Variants in ROBO2 observed in about 807,000 individuals in gnomAD.
The protein encoded by ROBO2 is roundabout guidance receptor 2.
A neutral mutation model predicts 160.8 loss-of-function variants in ROBO2; 53 were observed. That is an observed-to-expected ratio of 0.33 (90% CI 0.26 to 0.41). The LOEUF (loss-of-function observed/expected upper bound fraction) is 0.41. Ranked by LOEUF, ROBO2 falls within the 10% of genes least tolerant of loss-of-function variation. ROBO2 has a pLI of 1.00. For synonymous variants in ROBO2, 664 were observed against 611.7 expected (o/e 1.09, Z -1.26); for missense variants, 1,577 against 1,722.4 (o/e 0.92, Z 1.49).
At chr3:77,255,413 T>G (rs890364832) in intron 2 of ROBO2, among the ~76,000 whole-genome samples, 1 of 152,228 alleles carries the variant, frequency 6.6e-6, no homozygotes, top group Non-Finnish European at 1.5e-5. Context: ...GCTAACCATG[T>G]GACCACAAAT....
At chr3:76,412,022 T>C (rs577141185) in intron 2 of ROBO2, among the ~76,000 whole-genome samples, 1 of 152,286 alleles carries the variant, frequency 6.6e-6, no homozygotes, top group South Asian at 2.1e-4. Context: ...AAAAATGGTT[T>C]AATTGGACTT....
At chr3:76,104,161 ACAC>A (rs2069822059) in intron 2 of ROBO2, among the ~76,000 whole-genome samples, 1 of 152,196 alleles carries the variant, frequency 6.6e-6, no homozygotes, top group Non-Finnish European at 1.5e-5. Flanking sequence ...ACTTCTAGAG[ACAC>A]CACATTTTAA....
intron 2 of ROBO2, among the ~76,000 whole-genome samples, chr3:76,275,209 G>A (rs1467681309): frequency 6.6e-6 from 1 of 152,106 alleles, no homozygotes; most frequent in Non-Finnish European, 1.5e-5. Flanking sequence ...TCACCTTAAG[G>A]ATGAGTAGTT....
At chr3:77,149,175 C>G (rs921506604) in intron 2 of ROBO2, among the ~76,000 whole-genome samples, 2 of 151,544 alleles carry the variant, frequency 1.3e-5, no homozygotes, top group Admixed American at 1.3e-4. Context: ...GCTGGGACAA[C>G]AGGTGCACGC....
At chr3:76,207,771 T>A (rs1340257982) in intron 2 of ROBO2, among the ~76,000 whole-genome samples, 1 of 152,194 alleles carries the variant, frequency 6.6e-6, no homozygotes, top group African/African-American at 2.4e-5. Context: ...GATGTTTCTC[T>A]TATATGTAAA....
intron 2 of ROBO2, among the ~76,000 whole-genome samples, chr3:76,526,852 T>G (rs1043477534): frequency 6.6e-6 from 1 of 152,108 alleles, no homozygotes; most frequent in African/African-American, 2.4e-5. Context: ...TAACAGAATA[T>G]GTCACCTTTT....
chr3:76,238,418 G>C lies in ROBO2; in HGVS notation c.109+300816G>C, dbSNP rs561563737. Among the ~76,000 whole-genome samples the C allele has an allele frequency of 9.2e-5, 14 of 152,264 alleles. No individual in the cohort carries two copies. The East Asian group carries it at 2.5e-3, about 27-fold the overall frequency. On this transcript the variant is annotated intron_variant, in intron 2 of 26. Coordinates refer to the ROBO2 transcript ENST00000487694. ...CATCAGACACCTTACTAACTCTCCT[G>C]AGAAGAGCATGCGGAAAACCACCTC...
intron 2 of ROBO2, among the ~76,000 whole-genome samples, chr3:77,303,814 T>C (rs2062863442): frequency 6.6e-6 from 1 of 152,202 alleles, no homozygotes; most frequent in Non-Finnish European, 1.5e-5. Flanking sequence ...TATACATATA[T>C]ATATGCAAGT....
rs181966357 is a variant in ROBO2, at chr3:76,488,308, G to A, written c.109+550706G>A. 2.2e-4 allele frequency among the ~76,000 whole-genome samples: 33 copies of A among 152,176 alleles called. No individual in the cohort carries two copies. In the South Asian group the frequency reaches 2.7e-3, roughly 12 times the overall value. ...TTATGACCTCATGGCTTTCTTCCAC[G>A]CCCATTAAGAACATTGACAGAATTT... On this transcript the variant is annotated intron_variant, in intron 2 of 26. Coordinates refer to the ROBO2 transcript ENST00000487694.
chr3:76,164,363 A>T (rs932316327), intron 2 of ROBO2, among the ~76,000 whole-genome samples: 1 of 152,218 alleles, frequency 6.6e-6, no homozygotes, highest in Non-Finnish European at 1.5e-5. Context: ...CCTTAATGAC[A>T]TCTAGAAAGG....
intron 2 of ROBO2, among the ~76,000 whole-genome samples, chr3:76,257,054 C>T (rs148573389): frequency 4.0e-3 from 602 of 152,116 alleles, no homozygotes; most frequent in East Asian, 0.016. Flanking sequence ...GCCCAGCCCC[C>T]ACCTCTAACA....
chr3:75,924,681 CTTTTTTTTTT>C (rs60599175), intron 1 of ROBO2, among the ~76,000 whole-genome samples: 4 of 66,014 alleles, frequency 6.1e-5, no homozygotes, highest in East Asian at 5.4e-4. Flanking sequence ...ATTTTCTTTT[CTTTTTTTTTT>C]TTTTTTTTTT....
intron 1 of ROBO2, among the ~76,000 whole-genome samples, chr3:77,081,092 A>G (rs972565844): frequency 6.6e-6 from 1 of 152,150 alleles, no homozygotes; most frequent in African/African-American, 2.4e-5. Context: ...TCTATGGGCT[A>G]GTTTATTAGA....
chr3:76,660,744 C>A (rs1425597456), intron 2 of ROBO2, among the ~76,000 whole-genome samples: 1 of 152,046 alleles, frequency 6.6e-6, no homozygotes, highest in Non-Finnish European at 1.5e-5. Flanking sequence ...ATACCAAGAG[C>A]CAATATTTTA....
At position 77,620,762 on chromosome 3, in the gene ROBO2, C is replaced by T. The variant is rs576190152; in HGVS notation, c.3555-1465C>T. ...TTGGGAGAGGAATATTAAACAAATT[C>T]GGGAAGATTAAAATATTTTCCCCAA... is the stretch of plus-strand genomic sequence containing the variant. On this transcript the variant is annotated intron_variant, in intron 22 of 25. Coordinates refer to ENST00000461745, the Ensembl canonical transcript of ROBO2. 2.3e-4 allele frequency among the ~76,000 whole-genome samples: 35 copies of T among 152,154 alleles called. No homozygotes were observed. In the South Asian group the frequency reaches 6.2e-3, roughly 27 times the overall value.
chr3:76,218,135 A>G (rs1703690241), intron 2 of ROBO2, among the ~76,000 whole-genome samples: 1 of 152,198 alleles, frequency 6.6e-6, no homozygotes, highest in Non-Finnish European at 1.5e-5. Context: ...AAAACTCTCA[A>G]TAAATTAGGT....
intron 2 of ROBO2, among the ~76,000 whole-genome samples, chr3:77,183,669 A>T (rs139750671): frequency 2.4e-4 from 37 of 152,120 alleles, no homozygotes; most frequent in African/African-American, 8.2e-4. Flanking sequence ...GTATTGTGTT[A>T]TGGCATCCCC....
intron 2 of ROBO2, among the ~76,000 whole-genome samples, chr3:76,525,907 T>C (rs538044905): frequency 2.7e-4 from 41 of 152,104 alleles, no homozygotes; most frequent in Admixed American, 1.2e-3. Context: ...TAGGATTCCA[T>C]TTAGAAAGCA....
chr3:76,514,490 C>G (rs925960190), intron 2 of ROBO2, among the ~76,000 whole-genome samples: 14 of 151,988 alleles, frequency 9.2e-5, no homozygotes, highest in African/African-American at 3.1e-4. Context: ...TCTTCATTAT[C>G]CCAATCAATA....
Sources: gnomAD v4.1 joint callset for allele counts (sites outside exome capture counted in the v4.1 genomes callset) on GRCh38, gnomAD v4.1.1 for gene constraint, MANE v1.5 for transcripts, NCBI Gene and HGNC (gene_info 2026-07-23, HGNC 2026-07-21) for gene names.